STRADB: variants seen among roughly 807,000 people sequenced by gnomAD.
STRADB encodes STE20-related kinase adapter protein beta.
STRADB carries 34 observed loss-of-function variants against 52.1 expected under a neutral mutation model. That is an observed-to-expected ratio of 0.65 (90% CI 0.50 to 0.87). The LOEUF is 0.87. Among genes scored for constraint, STRADB ranks in the 40% least tolerant of loss-of-function variants. The pLI is 0.00. For synonymous variants in STRADB, 133 were observed against 174.5 expected (o/e 0.76, Z 1.87); for missense variants, 340 against 483.9 (o/e 0.70, Z 2.79).
At chr2:201,477,062 T>TG (rs1952487589) in intron 7 of STRADB, among the ~76,000 whole-genome samples, 2 of 102,388 alleles carry the variant, frequency 2.0e-5, no homozygotes, top group Non-Finnish European at 4.2e-5. Flanking sequence ...GTTTTTTTTT[T>TG]TTTTTTTTTT....
chr2:201,479,235 G>A (rs1053459108), intron 10 of STRADB: 3 of 390,364 alleles, frequency 7.7e-6, no homozygotes, highest in Admixed American at 4.4e-5. Flanking sequence ...GTAAATTGCT[G>A]CTACCCTACT....
intron 5 of STRADB, among the ~76,000 whole-genome samples, chr2:201,473,702 A>G (rs1484495977): frequency 6.6e-6 from 1 of 152,152 alleles, no homozygotes; most frequent in Non-Finnish European, 1.5e-5. Flanking sequence ...CCCATCCTAA[A>G]TAGTCACATA....
chr2:201,476,345 GC>G (rs1174783973), intron 7 of STRADB, among the ~76,000 whole-genome samples: 1 of 147,652 alleles, frequency 6.8e-6, no homozygotes, highest in Admixed American at 6.7e-5. Context: ...TCCCCTTAAA[GC>G]TTTTTGTCTT....
chr2:201,477,481 C>T lies in STRADB; in HGVS notation c.549-138C>T, dbSNP rs117176663. 1,766 of 781,242 alleles carry T rather than the reference C, an allele frequency of 2.3e-3. 42 individuals carry two copies. The East Asian group carries it at 0.039, about 17-fold the overall frequency. 48.4% of individuals were successfully genotyped at this position (781,242 alleles called of 1,614,324 possible). Reference sequence around the variant, plus strand: ...CTGTGTAAACAGCAGTTTTGCAGTACTGTTTTGCAGTTTATACTGCTGTTT... The same window carrying T: ...CTGTGTAAACAGCAGTTTTGCAGTATTGTTTTGCAGTTTATACTGCTGTTT... On this transcript the variant is annotated intron_variant, in intron 7 of 11. Transcript: ENST00000194530.
At chr2:201,462,808 TA>T (rs1225559499) in intron 3 of STRADB, among the ~76,000 whole-genome samples, 1 of 152,242 alleles carries the variant, frequency 6.6e-6, no homozygotes, top group Non-Finnish European at 1.5e-5. Flanking sequence ...ATGAGTAGTT[TA>T]CACACCACAA....
chr2:201,470,161 C>T, intron 4 of STRADB, 109 bp downstream of exon 4: 1 of 767,386 alleles, frequency 1.3e-6, no homozygotes, highest in East Asian at 2.7e-5. Flanking sequence ...CAGCATAAAA[C>T]TAGATGCTAA....
intron 3 of STRADB, chr2:201,460,784 C>A: frequency 2.7e-6 from 1 of 370,906 alleles, no homozygotes; most frequent in East Asian, 7.8e-5. Flanking sequence ...ACTTAAGTTT[C>A]TTCCAAGTCT....
intron 3 of STRADB, among the ~76,000 whole-genome samples, chr2:201,462,750 G>A (rs1468869322): frequency 6.6e-6 from 1 of 151,996 alleles, no homozygotes; most frequent in African/African-American, 2.4e-5. Context: ...ATTTTGAAAA[G>A]GTATTGCAGT....
Position 201,480,127 on chromosome 2 carries a change from G to A in STRADB, c.1209G>A (p.Glu403=), listed in dbSNP as rs745665190. 4.3e-6 allele frequency: 7 copies of A among 1,613,692 alleles called. No individual in the cohort carries two copies. The highest frequency in any genetic ancestry group is 3.3e-5 in the Admixed American group (2 of 59,992). Residue 403 remains glutamate, a synonymous_variant, in exon 12 of 12, where the codon GAG becomes GAA. Coordinates refer to ENST00000194530, the MANE Select transcript of STRADB (RefSeq NM_018571.6). ...TGCCTCCAGTGTTACCTTGGACTGA[G>A]CCAGAATGTGATTTTCCTGATGAAA... ...ISLPPVLPWT[E]PECDFPDEKD... is the part of the protein sequence containing the mutation.
At chr2:201,472,643 C>T (rs1275179461) in intron 4 of STRADB, among the ~76,000 whole-genome samples, 1 of 152,098 alleles carries the variant, frequency 6.6e-6, no homozygotes, top group Non-Finnish European at 1.5e-5. Context: ...TATCAAGTCA[C>T]AATTTTAGTC....
In STRADB at chr2:201,480,444, T is replaced by C; in HGVS notation, c.*269T>C. ...TTTTTTCTAAGCTGTGACTAACTCT[T>C]TTTATCTCTCAATATAATTTTTGAG... On this transcript the variant is annotated 3_prime_UTR_variant, in exon 12 of 12. Transcript: ENST00000194530. 8.5e-7 allele frequency: 1 copy of C among 1,180,532 alleles called. No homozygotes were observed. The allele number at this position is 1,180,532 out of a possible 1,614,324, so 73.1% of individuals were successfully genotyped here. A position where few individuals can be genotyped will look rare whatever the true frequency, so the allele number is the denominator to read the frequency against.
chr2:201,479,761 A>G (rs1162198051), intron 11 of STRADB, among the ~76,000 whole-genome samples: 1 of 152,168 alleles, frequency 6.6e-6, no homozygotes, highest in East Asian at 1.9e-4. Flanking sequence ...TCATCACATT[A>G]CTGATGCTTG....
chr2:201,455,398 T>C (rs1249966336), intron 2 of STRADB, among the ~76,000 whole-genome samples: 3 of 148,952 alleles, frequency 2.0e-5, no homozygotes, highest in African/African-American at 4.9e-5. Context: ...GGAATACTTA[T>C]ATTAAAATGT....
chr2:201,473,102 CAG>C (rs749955868), intron 5 of STRADB, 26 bp downstream of exon 5: 2 of 1,598,814 alleles, frequency 1.3e-6, no homozygotes, highest in African/African-American at 2.7e-5. Context: ...AAATGATACA[CAG>C]TTGGGCCTCT....
intron 10 of STRADB, 70 bp from the exon 11 acceptor site, chr2:201,479,419 A>G: frequency 7.0e-7 from 1 of 1,425,416 alleles, no homozygotes; most frequent in Non-Finnish European, 9.6e-7. Flanking sequence ...AATTTCTAAC[A>G]TATTTTTACA....
In STRADB at chr2:201,480,736, A is replaced by G. The variant is rs547044179; in HGVS notation, c.*561A>G. The G allele has an allele frequency of 1.3e-5, 13 of 985,128 alleles. No homozygotes were observed. The African/African-American group carries it at 1.6e-4, about 12-fold the overall frequency. The allele number at this position is 985,128 out of a possible 1,614,324, so 61.0% of individuals were successfully genotyped here. ...ACTTGAAATATATACAGAAATTGTA[A>G]TTTGCTTTTTTTTAAACAAGGGGGC... On this transcript the variant is annotated 3_prime_UTR_variant, in exon 12 of 12. Coordinates refer to ENST00000194530, the MANE Select transcript of STRADB (RefSeq NM_018571.6).
intron 9 of STRADB, 47 bp downstream of exon 9, chr2:201,478,238 C>T (rs749731340): frequency 2.5e-6 from 4 of 1,592,826 alleles, no homozygotes; most frequent in Non-Finnish European, 2.6e-6. Context: ...CATAAGACTG[C>T]TTACATTCTA....
intron 8 of STRADB, 31 bp downstream of exon 8, chr2:201,477,821 G>A (rs747202388): frequency 6.2e-7 from 1 of 1,600,490 alleles, no homozygotes; most frequent in African/African-American, 1.3e-5. Flanking sequence ...TGGGTTGTCT[G>A]TGTCTCAAGT....
At chr2:201,472,833 G>T (rs1163521404) in intron 4 of STRADB, 122 bp from the exon 5 acceptor site, 15 of 918,572 alleles carry the variant, frequency 1.6e-5, no homozygotes, top group Non-Finnish European at 3.2e-6. Flanking sequence ...AATCAGTAGT[G>T]TGCCTTTTCA....
Sources: allele counts gnomAD v4.1 joint callset (sites outside exome capture counted in the v4.1 genomes callset), GRCh38; gene constraint gnomAD v4.1.1; transcripts MANE v1.5; gene names NCBI Gene and HGNC (gene_info 2026-07-23, HGNC 2026-07-21).